SUCLG2: variants seen among roughly 807,000 people sequenced by gnomAD.
SUCLG2 encodes succinate-CoA ligase GDP-forming subunit beta.
A neutral mutation model predicts 47.9 loss-of-function variants in SUCLG2; 42 were observed. The ratio of observed to expected loss-of-function variants is 0.88; its 90% confidence interval spans 0.69 to 1.14. SUCLG2 has a LOEUF of 1.14. Among genes scored for constraint, SUCLG2 ranks in the 50% most tolerant of loss-of-function variants. The pLI, the probability that SUCLG2 is intolerant of heterozygous loss-of-function variation, is 0.00. For missense variants in SUCLG2, 571 were observed against 525.9 expected (o/e 1.09, Z -0.84); for synonymous variants, 195 against 197.3 (o/e 0.99, Z 0.10).
intron 2 of SUCLG2, 69 bp downstream of exon 2, chr3:67,609,386 G>C (rs1700487360): frequency 1.9e-6 from 3 of 1,539,726 alleles, no homozygotes; most frequent in African/African-American, 1.4e-5. Flanking sequence ...AAATTAACTA[G>C]TGGGAAGCCA....
chr3:67,650,450 A>G (rs1034637909), intron 1 of SUCLG2, among the ~76,000 whole-genome samples: 2 of 152,174 alleles, frequency 1.3e-5, no homozygotes, highest in African/African-American at 4.8e-5. Context: ...AAAACATACA[A>G]CAAGGATTCT....
chr3:67,481,839 C>T (rs953252285), intron 9 of SUCLG2, among the ~76,000 whole-genome samples: 1 of 152,178 alleles, frequency 6.6e-6, no homozygotes, highest in African/African-American at 2.4e-5. Context: ...GGATGGTTTC[C>T]TACTTTCTCG....
Position 67,374,760 on chromosome 3 carries a change from T to TA in SUCLG2, c.*983dup, listed in dbSNP as rs932409450. On this transcript the variant is annotated 3_prime_UTR_variant, in exon 11 of 11. Transcript: ENST00000307227. Reference sequence around the variant, plus strand: ...ATAATTTTATTTAAATTTGTATAGATAAAAATCTACCAAAATTTAAACAAA... The same window carrying TA: ...ATAATTTTATTTAAATTTGTATAGATAAAAAATCTACCAAAATTTAAACAAA... 5 of 941,640 alleles carry TA rather than the reference T, an allele frequency of 5.3e-6. No individual in the cohort carries two copies. In the African/African-American group the frequency reaches 8.9e-5, roughly 17 times the overall value. The allele number at this position is 941,640 out of a possible 1,614,324, so 58.3% of individuals were successfully genotyped here.
intron 9 of SUCLG2, among the ~76,000 whole-genome samples, chr3:67,482,576 G>A (rs1258585492): frequency 4.6e-5 from 7 of 152,112 alleles, no homozygotes; most frequent in African/African-American, 7.2e-5. Flanking sequence ...CTATTTGGTC[G>A]TTCAGCTTAA....
intron 2 of SUCLG2, among the ~76,000 whole-genome samples, chr3:67,547,472 C>T (rs533802732): frequency 2.0e-5 from 3 of 152,290 alleles, no homozygotes; most frequent in South Asian, 4.1e-4. Flanking sequence ...GAAATACTCT[C>T]CTTCGTCCTC....
rs1458874643 is a variant in SUCLG2 at position 67,444,146 on chromosome 3, C to A, written c.1063-43295G>T. Reference sequence around the variant, plus strand: ...CCCCCGCCTGGCCAGCCGTGCCGTCCGGGAGGGAGGTGGGGGAGTCAGCCC... The same window carrying A: ...CCCCCGCCTGGCCAGCCGTGCCGTCAGGGAGGGAGGTGGGGGAGTCAGCCC... On this transcript the variant is annotated intron_variant, in intron 9 of 10. Coordinates refer to ENST00000307227, the MANE Select transcript of SUCLG2 (RefSeq NM_003848.4). 9.2e-4 allele frequency among the ~76,000 whole-genome samples: 44 copies of A among 47,678 alleles called. 1 individual carries two copies. The highest frequency in any genetic ancestry group is 2.8e-3 in the African/African-American group (40 of 14,270). The allele number at this position is 47,678 out of a possible 152,430, so 31.3% of individuals were successfully genotyped here. A position where few individuals can be genotyped will look rare whatever the true frequency, so the allele number is the denominator to read the frequency against.
At chr3:67,598,737 G>A (rs1397819891) in intron 2 of SUCLG2, among the ~76,000 whole-genome samples, 4 of 152,178 alleles carry the variant, frequency 2.6e-5, no homozygotes, top group Non-Finnish European at 4.4e-5. Context: ...ACAGCAAAAA[G>A]CACATCATCT....
At chr3:67,640,854 T>C (rs1355182663) in intron 1 of SUCLG2, among the ~76,000 whole-genome samples, 1 of 152,228 alleles carries the variant, frequency 6.6e-6, no homozygotes, top group Non-Finnish European at 1.5e-5. Context: ...CAGTGCTTGG[T>C]GTTAGCTTCT....
intron 2 of SUCLG2, among the ~76,000 whole-genome samples, chr3:67,555,052 G>A (rs933757613): frequency 5.9e-5 from 9 of 152,110 alleles, no homozygotes; most frequent in East Asian, 3.9e-4. Context: ...TGGAGAGCAC[G>A]GGGGTTGTGG....
At chr3:67,585,304 G>T (rs1449265818) in intron 2 of SUCLG2, among the ~76,000 whole-genome samples, 1 of 152,072 alleles carries the variant, frequency 6.6e-6, no homozygotes, top group Admixed American at 6.5e-5. Context: ...TTCGAATTAG[G>T]TTAAAGTTGC....
At chr3:67,387,987 A>T (rs1702296604) in intron 10 of SUCLG2, among the ~76,000 whole-genome samples, 1 of 152,100 alleles carries the variant, frequency 6.6e-6, no homozygotes, top group Non-Finnish European at 1.5e-5. Flanking sequence ...AAAAACTAAC[A>T]ACATAAGACA....
At position 67,413,152 on chromosome 3, in the gene SUCLG2, T is replaced by C. The variant is rs114003846; in HGVS notation, c.1063-12301A>G. Among the ~76,000 whole-genome samples, 762 of 152,318 alleles carry C rather than the reference T, an allele frequency of 5.0e-3. 5 individuals carry two copies. The highest frequency in any genetic ancestry group is 0.017 in the African/African-American group (706 of 41,572). On this transcript the variant is annotated intron_variant, in intron 9 of 10. Transcript: ENST00000307227. ...TAGCTGTCTGGATCTACACCCCAGT[T>C]AAAGGCAGAAAAAGGAAAACAAGCT... is the stretch of plus-strand genomic sequence containing the variant.
rs771035567 is a variant in SUCLG2 at position 67,375,694 on chromosome 3, C to T, written c.*50G>A. On this transcript the variant is annotated 3_prime_UTR_variant, in exon 11 of 11. Transcript: ENST00000307227. ...TTTCTTTCACAATGATGAACCATCC[C>T]TTTTTACGGAAAAATGGCTTTCTTT... The T allele has an allele frequency of 6.4e-7, 1 of 1,563,674 alleles. No homozygotes were observed. Among genetic ancestry groups the T allele is most frequent in the Non-Finnish European group, 8.7e-7 (1 of 1,153,644 alleles).
chr3:67,581,016 G>A (rs1294842669), intron 2 of SUCLG2, among the ~76,000 whole-genome samples: 2 of 152,154 alleles, frequency 1.3e-5, no homozygotes, highest in Non-Finnish European at 2.9e-5. Flanking sequence ...TGAAATCAAG[G>A]ATCCTCCCTC....
At chr3:67,497,071 TA>T (rs1705362823) in intron 8 of SUCLG2, among the ~76,000 whole-genome samples, 1 of 152,182 alleles carries the variant, frequency 6.6e-6, no homozygotes, top group Admixed American at 6.6e-5. Flanking sequence ...TTCCCCTTTC[TA>T]AATGCCTACA....
At chr3:67,363,007 T>C (rs1206837072) in intron 10 of SUCLG2, among the ~76,000 whole-genome samples, 1 of 152,202 alleles carries the variant, frequency 6.6e-6, no homozygotes, top group East Asian at 1.9e-4. Flanking sequence ...TGCACTAATC[T>C]ATGCCCTCAT....
At chr3:67,613,534 G>A (rs1356713269) in intron 1 of SUCLG2, among the ~76,000 whole-genome samples, 4 of 152,124 alleles carry the variant, frequency 2.6e-5, no homozygotes, top group East Asian at 1.9e-4. Context: ...CTAGATATGG[G>A]GAATGGCAAC....
Position 67,385,651 on chromosome 3 carries a change from G to C in SUCLG2, c.1184-9792C>G, listed in dbSNP as rs539592980. The stretch of plus-strand genomic sequence containing the variant: ...GGTACACTGAAGTCTAGTGGAGCCT[G>C]TGACTGGGTTTACAAAGCTGCCTAA... On this transcript the variant is annotated intron_variant, in intron 10 of 10. Coordinates refer to ENST00000307227, the MANE Select transcript of SUCLG2 (RefSeq NM_003848.4). Among the ~76,000 whole-genome samples, 3 of 152,350 alleles carry C rather than the reference G, an allele frequency of 2.0e-5. No homozygotes were observed. The South Asian group carries it at 6.2e-4, about 32-fold the overall frequency.
chr3:67,472,287 A>AT (rs563903955), intron 9 of SUCLG2, among the ~76,000 whole-genome samples: 26 of 152,310 alleles, frequency 1.7e-4, no homozygotes, highest in African/African-American at 5.1e-4. Flanking sequence ...ATTAAAAAAT[A>AT]TTTTTTTAAA....
Sources: gnomAD v4.1 joint callset for allele counts (sites outside exome capture counted in the v4.1 genomes callset) on GRCh38, gnomAD v4.1.1 for gene constraint, MANE v1.5 for transcripts, NCBI Gene and HGNC (gene_info 2026-07-23, HGNC 2026-07-21) for gene names.